Variants in TEX11 observed in about 807,000 individuals in gnomAD.
TEX11 encodes the protein testis-expressed protein 11.
In TEX11, 7 loss-of-function variants were observed where a neutral mutation model predicts 84.4. The ratio of observed to expected loss-of-function variants is 0.08; its 90% CI spans 0.05 to 0.16. TEX11 has a LOEUF of 0.16. Among genes scored for constraint, TEX11 ranks in the 10% least tolerant of loss-of-function variants. The probability of loss-of-function intolerance (pLI) is 1.00; values close to 1 mark genes in which losing one functional copy is unlikely to be tolerated. For missense variants in TEX11, 551 were observed against 660.5 expected, an observed-to-expected ratio of 0.83 and a Z score of 1.82; for synonymous variants, 264 against 222.8, an observed-to-expected ratio of 1.18 and a Z score of -1.64.
chrX:70,887,422 G>A (rs2091715436), intron 2 of TEX11, among the ~76,000 whole-genome samples: 1 of 111,872 alleles, frequency 8.9e-6, no homozygotes, highest in Non-Finnish European at 1.9e-5. Flanking sequence ...AGTAAACATC[G>A]GCAGTAGCCT....
At chrX:70,669,893 T>C (rs1392036876) in intron 16 of TEX11, among the ~76,000 whole-genome samples, 1 of 112,661 alleles carries the variant, frequency 8.9e-6, no homozygotes, top group Non-Finnish European at 1.9e-5. Context: ...CTTCTTTACC[T>C]TCTAGAATTT....
intron 14 of TEX11, among the ~76,000 whole-genome samples, chrX:70,679,552 G>A (rs753758056): frequency 1.2e-4 from 13 of 110,623 alleles, no homozygotes; most frequent in African/African-American, 3.9e-4. Flanking sequence ...CTGCCCGGCC[G>A]CCCCGTCTGA....
chrX:70,529,187 T>C lies in TEX11; in HGVS notation c.2686A>G (p.Met896Val). The change falls in exon 30 of 30, where the codon ATG becomes GTG. Residue 896 changes from methionine to valine, a missense_variant and splice_region_variant. Met to Val is a conservative substitution (Grantham distance 21). Transcript: ENST00000374333. ...ACAAGCTGACTATACAGCATATTCA[T>C]CTGGGAAAGAGAACAACAAATAGAT... ...TSFKESYETQ[M>V]NMLYSQLVEA... 1 of 1,194,967 alleles carries C rather than the reference T, an allele frequency of 8.4e-7. No individual in the cohort carries two copies. The highest frequency in any genetic ancestry group is 1.1e-6 in the Non-Finnish European group (1 of 882,401).
intron 13 of TEX11, among the ~76,000 whole-genome samples, chrX:70,719,779 T>C (rs1364610593): frequency 4.5e-5 from 5 of 112,084 alleles, no homozygotes; most frequent in African/African-American, 9.7e-5. Context: ...ATGCTCATCA[T>C]CACTGGCCAT....
intron 18 of TEX11, among the ~76,000 whole-genome samples, chrX:70,626,042 G>A (rs1215104098): frequency 2.7e-5 from 3 of 110,913 alleles, no homozygotes; most frequent in South Asian, 3.8e-4. Flanking sequence ...GCCACTGCGC[G>A]CGGCATATTT....
At chrX:70,734,402 G>C (rs1009838981) in intron 11 of TEX11, among the ~76,000 whole-genome samples, 6 of 111,450 alleles carry the variant, frequency 5.4e-5, no homozygotes, top group African/African-American at 1.6e-4. Flanking sequence ...GTGCATGTGT[G>C]GGGGAAAATG....
At chrX:70,809,085 G>A (rs1019419078) in intron 8 of TEX11, among the ~76,000 whole-genome samples, 1 of 111,786 alleles carries the variant, frequency 8.9e-6, no homozygotes, top group East Asian at 2.8e-4. Flanking sequence ...ATCTCAAAAC[G>A]ATAACTGAAC....
At chrX:70,863,084 C>G (rs2091579507) in intron 4 of TEX11, among the ~76,000 whole-genome samples, 1 of 111,097 alleles carries the variant, frequency 9.0e-6, no homozygotes, top group Non-Finnish European at 1.9e-5. Context: ...ACTCCCATCA[C>G]CCTGGGAGAG....
At chrX:70,759,123 A>C (rs1283184662) in intron 9 of TEX11, among the ~76,000 whole-genome samples, 2 of 111,729 alleles carry the variant, frequency 1.8e-5, no homozygotes, top group African/African-American at 3.3e-5. Flanking sequence ...GGCAATAATT[A>C]ATATAGCCTA....
intron 16 of TEX11, among the ~76,000 whole-genome samples, chrX:70,651,935 G>A (rs1170013885): frequency 9.8e-5 from 11 of 111,736 alleles, no homozygotes; most frequent in Middle Eastern, 9.1e-3. Flanking sequence ...TATCTGGTAA[G>A]CATTTGCAAA....
chrX:70,777,584 C>T (rs759626192), intron 9 of TEX11, among the ~76,000 whole-genome samples: 33 of 111,845 alleles, frequency 3.0e-4, no homozygotes, highest in Admixed American at 2.5e-3. Context: ...AGGAGGCAGA[C>T]GTTGCGGTGA....
At chrX:70,536,083 G>A (rs998405106) in intron 28 of TEX11, among the ~76,000 whole-genome samples, 2 of 110,523 alleles carry the variant, frequency 1.8e-5, no homozygotes, top group Admixed American at 9.7e-5. Flanking sequence ...AATCTATCTG[G>A]ATTTTCTTTA....
At chrX:70,700,375 T>A (rs2090316100) in intron 13 of TEX11, among the ~76,000 whole-genome samples, 1 of 112,135 alleles carries the variant, frequency 8.9e-6, no homozygotes, top group African/African-American at 3.2e-5. Context: ...ATGCACTCTA[T>A]TTGTGTCTCT....
At chrX:70,511,542 CAG>C in the TEX11 span, among the ~76,000 whole-genome samples, 2 of 107,802 alleles carry the variant, frequency 1.9e-5, no homozygotes, top group African/African-American at 3.4e-5. Context: ...ATCACAAGGT[CAG>C]AAGTTCGAGA....
intron 5 of TEX11, among the ~76,000 whole-genome samples, chrX:70,855,885 G>A (rs2091533688): frequency 9.0e-6 from 1 of 111,568 alleles, no homozygotes; most frequent in Admixed American, 9.6e-5. Context: ...AATCAAACTT[G>A]CTGACACCTT....
intron 8 of TEX11, among the ~76,000 whole-genome samples, chrX:70,815,456 C>T (rs1329957813): frequency 1.8e-5 from 2 of 109,998 alleles, no homozygotes; most frequent in African/African-American, 6.6e-5. Flanking sequence ...CTTCGGTTAC[C>T]CAAGGAAAGA....
At chrX:70,517,331 AG>A in the TEX11 span, among the ~76,000 whole-genome samples, 1 of 112,075 alleles carries the variant, frequency 8.9e-6, no homozygotes, top group Admixed American at 9.5e-5. Context: ...TTTAGCATGA[AG>A]GGCTGTTGAA....
At position 70,897,958 on chromosome X, in the gene TEX11, A is replaced by T. The variant is rs756558877; in HGVS notation, c.37+9795T>A. On this transcript the variant is annotated intron_variant, in intron 2 of 29. Coordinates refer to ENST00000374333, the MANE Select transcript of TEX11 (RefSeq NM_031276.3). ...GGAGAAGTTAACTAACTTGGCCAAGATCAAAGCTATTAGCAACTCAGCCCT... is the reference window on the plus strand; with the variant it reads ...GGAGAAGTTAACTAACTTGGCCAAGTTCAAAGCTATTAGCAACTCAGCCCT... 8.9e-5 allele frequency among the ~76,000 whole-genome samples: 10 copies of T among 111,779 alleles called. No homozygotes were observed. In the Admixed American group the frequency reaches 9.6e-4, roughly 11 times the overall value.
chrX:70,579,518 A>C (rs5980971), intron 25 of TEX11, among the ~76,000 whole-genome samples: 1 of 11,176 alleles, frequency 8.9e-5, no homozygotes, highest in South Asian at 5.0e-3. Flanking sequence ...AACAAAAAAA[A>C]CAAAAAAAAA....
Sources: allele counts gnomAD v4.1 joint callset (sites outside exome capture counted in the v4.1 genomes callset), GRCh38; gene constraint gnomAD v4.1.1; transcripts MANE v1.5; gene names NCBI Gene and HGNC (gene_info 2026-07-23, HGNC 2026-07-21).